The following CREB5 variants were observed in gnomAD, a reference collection of about 807,000 sequenced individuals.
The protein encoded by CREB5 is cyclic AMP-responsive element-binding protein 5.
CREB5 carries 19 observed loss-of-function variants against 57.1 expected under a neutral mutation model. The ratio of observed to expected loss-of-function variants is 0.33; its 90% CI spans 0.23 to 0.49. CREB5 has a LOEUF of 0.49. CREB5 is among the 20% of genes least tolerant of loss of function. The probability of loss-of-function intolerance (pLI) is 0.99; values close to 1 mark genes in which losing one functional copy is unlikely to be tolerated. For synonymous variants in CREB5, 238 were observed against 238.3 expected (o/e 1.00, Z 0.01); for missense variants, 579 against 671.6 (o/e 0.86, Z 1.52).
intron 1 of CREB5, among the ~76,000 whole-genome samples, chr7:28,436,084 C>T (rs1019079323): frequency 6.7e-6 from 1 of 148,234 alleles, no homozygotes; most frequent in Non-Finnish European, 1.5e-5. Context: ...TTTAAAGTGG[C>T]CTTTCACTGG....
intron 5 of CREB5, among the ~76,000 whole-genome samples, chr7:28,659,782 A>G (rs566577347): frequency 6.4e-4 from 98 of 152,316 alleles, no homozygotes; most frequent in Non-Finnish European, 1.1e-3. Flanking sequence ...AACTGAGTCC[A>G]TATGCCTACC....
At chr7:28,666,822 A>G (rs527687326) in intron 5 of CREB5, among the ~76,000 whole-genome samples, 3 of 152,022 alleles carry the variant, frequency 2.0e-5, no homozygotes, top group African/African-American at 7.2e-5. Flanking sequence ...TGTCCCAGCT[A>G]CTTGGAGGCT....
intron 7 of CREB5, among the ~76,000 whole-genome samples, chr7:28,798,984 C>T (rs1230850639): frequency 1.3e-5 from 2 of 152,094 alleles, no homozygotes; most frequent in African/African-American, 4.8e-5. Flanking sequence ...ATTTATCATC[C>T]CTAAGAGAGT....
At position 28,560,903 on chromosome 7, in the gene CREB5, C is replaced by CGTGCGTGT. The variant is rs1477125869; in HGVS notation, c.292-9461_292-9460insTGCGTGTG. 7.7e-5 allele frequency among the ~76,000 whole-genome samples: 2 copies of CGTGCGTGT among 26,132 alleles called. 1 individual carries two copies. Among genetic ancestry groups the CGTGCGTGT allele is most frequent in the Non-Finnish European group, 1.6e-4 (2 of 12,524 alleles). The allele number at this position is 26,132 out of a possible 152,430, so 17.1% of individuals were successfully genotyped here. A position where few individuals can be genotyped will look rare whatever the true frequency, so the allele number is the denominator to read the frequency against. ...GCGTGCGTGCGTGTGTGTGCGTGCGCGCGTGCGTGTGCGTGTGTGCGCGTG... is the reference window on the plus strand; with the variant it reads ...GCGTGCGTGCGTGTGTGTGCGTGCGCGTGCGTGTGCGTGCGTGTGCGTGTGTGCGCGTG... On this transcript the variant is annotated intron_variant, in intron 4 of 10. Coordinates refer to ENST00000357727, the MANE Select transcript of CREB5 (RefSeq NM_182898.4).
chr7:28,521,062 G>A (rs1044397596), intron 4 of CREB5, among the ~76,000 whole-genome samples: 2 of 152,146 alleles, frequency 1.3e-5, no homozygotes, highest in African/African-American at 4.8e-5. Flanking sequence ...CTCTCCTTAA[G>A]AGGTACCATT....
intron 1 of CREB5, among the ~76,000 whole-genome samples, chr7:28,357,754 C>T (rs1390369971): frequency 6.6e-6 from 1 of 152,074 alleles, no homozygotes; most frequent in African/African-American, 2.4e-5. Flanking sequence ...AGTATTGTGC[C>T]AGAAGTTAAC....
intron 4 of CREB5, among the ~76,000 whole-genome samples, chr7:28,560,935 T>TGTGCGCGTGTGCGTGCGTGC (rs74212086): frequency 1.8e-5 from 1 of 56,266 alleles, no homozygotes. Flanking sequence ...CGTGCGTGTG[T>TGTGCGCGTGTGCGTGCGTGC]GCGTGCGTGT....
At chr7:28,474,795 G>A (rs183226498) in intron 1 of CREB5, among the ~76,000 whole-genome samples, 5 of 152,244 alleles carry the variant, frequency 3.3e-5, no homozygotes, top group South Asian at 2.1e-4. Flanking sequence ...ACCCTAACTC[G>A]TATTCTAACG....
chr7:28,747,968 C>T (rs1804775285), intron 7 of CREB5, among the ~76,000 whole-genome samples: 1 of 152,160 alleles, frequency 6.6e-6, no homozygotes, highest in South Asian at 2.1e-4. Flanking sequence ...ACGGTGGTGT[C>T]TCCATTCCCA....
intron 1 of CREB5, among the ~76,000 whole-genome samples, chr7:28,439,659 G>A (rs1308524140): frequency 1.3e-5 from 2 of 152,122 alleles, no homozygotes; most frequent in Non-Finnish European, 1.5e-5. Context: ...CTATCACTCA[G>A]GACCTGTATT....
intron 1 of CREB5, among the ~76,000 whole-genome samples, chr7:28,467,842 C>T (rs1323873385): frequency 6.6e-6 from 1 of 151,912 alleles, no homozygotes; most frequent in African/African-American, 2.4e-5. Context: ...TCAGGATGGC[C>T]CCTAGGATGG....
chr7:28,813,240 C>T (rs191563211), intron 9 of CREB5, among the ~76,000 whole-genome samples: 7 of 152,234 alleles, frequency 4.6e-5, no homozygotes, highest in Admixed American at 2.0e-4. Context: ...TTAGAAACTC[C>T]GTAAGCCAAA....
rs188617644 is a variant in CREB5 at position 28,481,622 on chromosome 7, C to T, written c.4-6553C>T. The stretch of plus-strand genomic sequence containing the variant: ...CAGGGTTAAAAAGGTCACACAGCTG[C>T]AAATAATAATAGCCCAATGAAATTC... On this transcript the variant is annotated intron_variant, in intron 1 of 10. Coordinates refer to ENST00000357727, the MANE Select transcript of CREB5 (RefSeq NM_182898.4). Among the ~76,000 whole-genome samples, 443 of 152,232 alleles carry T rather than the reference C, an allele frequency of 2.9e-3. 2 individuals carry two copies. Among genetic ancestry groups the T allele is most frequent in the African/African-American group, 9.4e-3 (392 of 41,536 alleles).
chr7:28,668,086 G>A (rs1395210544), intron 5 of CREB5, among the ~76,000 whole-genome samples: 1 of 152,104 alleles, frequency 6.6e-6, no homozygotes, highest in Non-Finnish European at 1.5e-5. Context: ...CCAATCTATA[G>A]TTAGGTTGTA....
At chr7:28,438,296 A>C (rs1217098111) in intron 1 of CREB5, among the ~76,000 whole-genome samples, 6 of 152,070 alleles carry the variant, frequency 3.9e-5, no homozygotes, top group Non-Finnish European at 8.8e-5. Context: ...ACTGAAGAAT[A>C]TGTTGCATAC....
chr7:28,537,602 C>A (rs1257771221), intron 4 of CREB5, among the ~76,000 whole-genome samples: 5 of 152,086 alleles, frequency 3.3e-5, no homozygotes, highest in Admixed American at 1.3e-4. Context: ...TTGGGAGCTG[C>A]TTGACGTTCT....
rs138722965 is a variant in CREB5, at chr7:28,371,277, T to C, written c.-25+71836T>C. Among the ~76,000 whole-genome samples, 49 of 152,132 alleles carry C rather than the reference T, an allele frequency of 3.2e-4. 2 individuals are homozygous for C. The Middle Eastern group carries it at 0.014, about 42-fold the overall frequency. On this transcript the variant is annotated intron_variant, in intron 1 of 9. Coordinates refer to the CREB5 transcript ENST00000396299. ...CAAGGTCAAGAGATGGAGACCATCA[T>C]GGCCAACATGGTGAAAGCCCATCTC...
intron 5 of CREB5, among the ~76,000 whole-genome samples, chr7:28,604,466 T>A (rs1339387753): frequency 6.6e-6 from 1 of 152,162 alleles, no homozygotes; most frequent in East Asian, 1.9e-4. Context: ...GAATCAAAAC[T>A]TTCTTCTTCT....
At chr7:28,815,551 A>G (rs985033817) in intron 9 of CREB5, among the ~76,000 whole-genome samples, 6 of 152,232 alleles carry the variant, frequency 3.9e-5, no homozygotes, top group Admixed American at 3.9e-4. Flanking sequence ...AAACAGACTT[A>G]TGAAAGCAAA....
Sources: gnomAD v4.1 joint callset for allele counts (sites outside exome capture counted in the v4.1 genomes callset) on GRCh38, gnomAD v4.1.1 for gene constraint, MANE v1.5 for transcripts, NCBI Gene and HGNC (gene_info 2026-07-23, HGNC 2026-07-21) for gene names.